Variants in PHLPP1 observed in about 807,000 individuals in gnomAD.
PHLPP1 encodes PH domain and leucine rich repeat protein phosphatase 1.
PHLPP1 carries 42 observed loss-of-function variants against 117.2 expected under a neutral mutation model. The ratio of observed to expected loss-of-function variants is 0.36; its 90% CI spans 0.28 to 0.46. The LOEUF (loss-of-function observed/expected upper bound fraction) is 0.46. PHLPP1 is among the 20% of genes least tolerant of loss of function. PHLPP1 has a pLI of 1.00. For synonymous variants in PHLPP1, 1,042 were observed against 970.7 expected (o/e 1.07, Z -1.37); for missense variants, 2,084 against 2,241.9 (o/e 0.93, Z 1.42).
At chr18:62,743,636 C>G (rs1173466907) in intron 1 of PHLPP1, among the ~76,000 whole-genome samples, 1 of 152,126 alleles carries the variant, frequency 6.6e-6, no homozygotes, top group Non-Finnish European at 1.5e-5. Flanking sequence ...GATCAAATTT[C>G]CATTAATCTT....
At chr18:62,804,335 G>C (rs1913876337) in intron 1 of PHLPP1, among the ~76,000 whole-genome samples, 1 of 152,160 alleles carries the variant, frequency 6.6e-6, no homozygotes, top group African/African-American at 2.4e-5. Flanking sequence ...TGGGGAAACA[G>C]AGTCAAACCA....
Position 62,726,334 on chromosome 18 carries a change from G to C in PHLPP1, c.1576+9075G>C, listed in dbSNP as rs117730619. ...ATCCCTTGCCTGCTTTTTTTTTTTGGGGGGGTTGGATGTTTGCTTTTTTCT... is the reference window on the plus strand; with the variant it reads ...ATCCCTTGCCTGCTTTTTTTTTTTGCGGGGGTTGGATGTTTGCTTTTTTCT... On this transcript the variant is annotated intron_variant, in intron 1 of 16. Coordinates refer to ENST00000262719, the MANE Select transcript of PHLPP1 (RefSeq NM_194449.4). Among the ~76,000 whole-genome samples, 1,037 of 151,424 alleles carry C rather than the reference G, an allele frequency of 6.8e-3. 24 individuals carry two copies. The highest frequency in any genetic ancestry group is 0.054 in the East Asian group (278 of 5,166).
chr18:62,874,704 GTCTC>G (rs934710771), intron 4 of PHLPP1, among the ~76,000 whole-genome samples: 3 of 150,640 alleles, frequency 2.0e-5, no homozygotes, highest in Non-Finnish European at 4.4e-5. Flanking sequence ...CTCGCTCTCT[GTCTC>G]TCTCTGTCTC....
At chr18:62,767,824 ATAGAG>A (rs1321753597) in intron 1 of PHLPP1, among the ~76,000 whole-genome samples, 10 of 152,204 alleles carry the variant, frequency 6.6e-5, no homozygotes, top group Non-Finnish European at 2.9e-5. Flanking sequence ...ATCTGGTTAA[ATAGAG>A]TACAATAGCA....
At chr18:62,734,604 AAC>A (rs1911318788) in intron 1 of PHLPP1, among the ~76,000 whole-genome samples, 1 of 152,226 alleles carries the variant, frequency 6.6e-6, no homozygotes, top group African/African-American at 2.4e-5. Flanking sequence ...AATTATGAGA[AAC>A]ACCATGGTAA....
intron 10 of PHLPP1, among the ~76,000 whole-genome samples, chr18:62,933,212 A>G (rs1909868886): frequency 6.6e-6 from 1 of 152,210 alleles, no homozygotes. Context: ...GATTCAATGT[A>G]ATTCCTATCA....
intron 4 of PHLPP1, among the ~76,000 whole-genome samples, chr18:62,879,602 G>C (rs1434883688): frequency 6.6e-6 from 1 of 152,056 alleles, no homozygotes; most frequent in Non-Finnish European, 1.5e-5. Flanking sequence ...TAGTAGACAG[G>C]GTTCACCGTG....
At chr18:62,857,595 A>G (rs893534510) in intron 3 of PHLPP1, among the ~76,000 whole-genome samples, 5 of 152,174 alleles carry the variant, frequency 3.3e-5, no homozygotes, top group African/African-American at 1.2e-4. Flanking sequence ...TCCCCTTAGG[A>G]TCATGAGTTT....
At chr18:62,848,455 A>ATTTTTTTTTTTTTTTTTTTTTT (rs56223512) in intron 3 of PHLPP1, among the ~76,000 whole-genome samples, 5 of 88,550 alleles carry the variant, frequency 5.6e-5, no homozygotes, top group African/African-American at 4.6e-5. Flanking sequence ...TTTTTTGTTG[A>ATTTTTTTTTTTTTTTTTTTTTT]TTTTTTTTTT....
chr18:62,763,706 T>G (rs1912339791), intron 1 of PHLPP1, among the ~76,000 whole-genome samples: 1 of 152,220 alleles, frequency 6.6e-6, no homozygotes, highest in Non-Finnish European at 1.5e-5. Flanking sequence ...CACTATGCTA[T>G]TCTCTACTGT....
At chr18:62,970,629 G>A (rs1424192162) in intron 14 of PHLPP1, among the ~76,000 whole-genome samples, 1 of 152,142 alleles carries the variant, frequency 6.6e-6, no homozygotes, top group African/African-American at 2.4e-5. Flanking sequence ...GCTGGGCGTG[G>A]TGGCGGGTGC....
chr18:62,867,833 A>G (rs767585615), intron 4 of PHLPP1, among the ~76,000 whole-genome samples: 1 of 151,530 alleles, frequency 6.6e-6, no homozygotes. Flanking sequence ...TTTTTTTTAG[A>G]TGGAGTCTGG....
chr18:62,866,451 G>T (rs533504537), intron 4 of PHLPP1, among the ~76,000 whole-genome samples: 1 of 151,828 alleles, frequency 6.6e-6, no homozygotes, highest in African/African-American at 2.4e-5. Flanking sequence ...TGCCATGTTG[G>T]CCAGGCTGGT....
chr18:62,887,705 A>G (rs1646714442), intron 4 of PHLPP1, among the ~76,000 whole-genome samples: 1 of 152,194 alleles, frequency 6.6e-6, no homozygotes, highest in African/African-American at 2.4e-5. Context: ...TTAAGTTTCA[A>G]CATGGGAATT....
rs1293459893 is a variant in PHLPP1, at chr18:62,978,262, G to A, written c.3985G>A (p.Asp1329Asn). Residue 1329 changes from aspartate to asparagine, a missense_variant and splice_region_variant, in exon 17 of 17, where the codon GAT becomes AAT. This residue lies in a region of PHLPP1 where 1,365 missense variants were observed against 1,605.9 expected (regional missense o/e 0.85). Coordinates refer to ENST00000262719, the MANE Select transcript of PHLPP1 (RefSeq NM_194449.4). The surrounding 1 kb of genome is among the most constrained non-coding windows in gnomAD (Gnocchi z 7.0). ...TGTCTGCAAACCCTTGTTCTTCCAG[G>A]ATGGCAAGGTGAACGGAGTGACTGA... ...IKQHKAIITE[D>N]GKVNGVTEST... 3.8e-6 allele frequency: 6 copies of A among 1,582,642 alleles called. No individual in the cohort carries two copies. In the East Asian group the frequency reaches 1.1e-4, roughly 30 times the overall value.
chr18:62,959,314 T>C (rs1184374586), intron 13 of PHLPP1, among the ~76,000 whole-genome samples: 2 of 152,230 alleles, frequency 1.3e-5, no homozygotes, highest in Non-Finnish European at 2.9e-5. Flanking sequence ...TATTTAGAGC[T>C]ATATTGCTAA....
intron 1 of PHLPP1, among the ~76,000 whole-genome samples, chr18:62,751,452 A>G (rs866200148): frequency 2.0e-5 from 3 of 152,154 alleles, no homozygotes; most frequent in South Asian, 2.1e-4. Flanking sequence ...CTCAAGGGGG[A>G]AAATGGCAAG....
chr18:62,886,654 G>T (rs1916296190), intron 4 of PHLPP1, among the ~76,000 whole-genome samples: 1 of 152,172 alleles, frequency 6.6e-6, no homozygotes, highest in Admixed American at 6.5e-5. Context: ...TACAAGTACA[G>T]TTTTCTGTCT....
At chr18:62,829,909 T>C in intron 1 of PHLPP1, 126 bp from the exon 2 acceptor site, 1 of 608,704 alleles carries the variant, frequency 1.6e-6, no homozygotes, top group East Asian at 2.9e-5. Context: ...CAATTATAAA[T>C]TAGATTGAAT....
Sources: allele counts gnomAD v4.1 joint callset (sites outside exome capture counted in the v4.1 genomes callset), GRCh38; gene constraint gnomAD v4.1.1; regional missense constraint gnomAD v4.1.1; non-coding constraint Gnocchi (gnomAD v3.1); transcripts MANE v1.5; gene names NCBI Gene and HGNC (gene_info 2026-07-23, HGNC 2026-07-21).